Variants in ATP8B4 observed in about 807,000 individuals in gnomAD.
ATP8B4 encodes the protein probable phospholipid-transporting ATPase IM.
Under a neutral mutation model 145.6 loss-of-function variants are expected in ATP8B4, and 133 were observed. That is an observed-to-expected ratio of 0.91 (90% CI 0.79 to 1.05). The LOEUF (loss-of-function observed/expected upper bound fraction) is 1.05. Ranked by LOEUF, ATP8B4 falls within the 50% of genes least tolerant of loss-of-function variation. The pLI, the probability that ATP8B4 is intolerant of heterozygous loss-of-function variation, is 0.00. For missense variants in ATP8B4, 1,458 were observed against 1,425.2 expected (o/e 1.02, Z -0.37); for synonymous variants, 507 against 492.9 (o/e 1.03, Z -0.38).
chr15:50,074,154 A>C lies in ATP8B4; in HGVS notation c.60T>G (p.Arg20=), dbSNP rs751895276. The change falls in exon 3 of 28, where the codon CGT becomes CGG. Residue 20 remains arginine, a synonymous_variant. Coordinates refer to ENST00000284509, the MANE Select transcript of ATP8B4 (RefSeq NM_024837.4). ...CATACTGGAACTTTTCATTATATTC[A>C]CGGTCATTGGCTTTCACTATCCGTT... ...EVERIVKAND[R]EYNEKFQYAD... 1.9e-6 allele frequency: 3 copies of C among 1,613,052 alleles called. No homozygotes were observed. The African/African-American group carries it at 4.0e-5, about 22-fold the overall frequency.
chr15:50,029,230 C>T (rs2050237162), intron 6 of ATP8B4, among the ~76,000 whole-genome samples: 1 of 66,356 alleles, frequency 1.5e-5, no homozygotes, highest in Non-Finnish European at 2.7e-5. Context: ...CAGAGCAAGA[C>T]TCCATCTTAA....
At chr15:50,120,211 T>C (rs1201563292), upstream of ATP8B4, among the ~76,000 whole-genome samples, 4 of 152,070 alleles carry the variant, frequency 2.6e-5, no homozygotes, top group African/African-American at 7.2e-5. Context: ...TGGAACATCC[T>C]CACGCTGGGC....
intron 16 of ATP8B4, among the ~76,000 whole-genome samples, chr15:49,928,351 G>A (rs2040920233): frequency 6.6e-6 from 1 of 152,040 alleles, no homozygotes; most frequent in Non-Finnish European, 1.5e-5. Context: ...GAAGAGAAGT[G>A]GGGGAAAGGA....
chr15:50,038,525 A>G (rs1056739583), intron 6 of ATP8B4, among the ~76,000 whole-genome samples: 19 of 152,222 alleles, frequency 1.2e-4, no homozygotes, highest in Non-Finnish European at 4.4e-5. Context: ...AGTGACAAAG[A>G]TGTGTCTGTG....
At chr15:50,107,673 G>A (rs2056750553) in intron 1 of ATP8B4, among the ~76,000 whole-genome samples, 1 of 152,076 alleles carries the variant, frequency 6.6e-6, no homozygotes, top group Non-Finnish European at 1.5e-5. Context: ...ATGCACCTTT[G>A]CAAACACATG....
rs371935085 is a variant in ATP8B4, at chr15:50,044,712, T to C, written c.202-20A>G. ...AATTAGCTGAAACAAACATTCCAAA[T>C]AGTTTAGGGCTTTTAAAGTTAGAAA... On this transcript the variant is annotated intron_variant, in intron 4 of 27. Coordinates refer to ENST00000284509, the MANE Select transcript of ATP8B4 (RefSeq NM_024837.4). 2.6e-5 allele frequency: 40 copies of C among 1,552,552 alleles called. No homozygotes were observed. In the East Asian group the frequency reaches 4.5e-4, roughly 17 times the overall value.
At chr15:50,160,426 G>T (rs1380927247) in intron 1 of ATP8B4, among the ~76,000 whole-genome samples, 1 of 148,222 alleles carries the variant, frequency 6.7e-6, no homozygotes, top group Non-Finnish European at 1.5e-5. Context: ...ACAAATTTTG[G>T]GTTTAGTTTG....
intron 16 of ATP8B4, among the ~76,000 whole-genome samples, chr15:49,929,349 A>G (rs190699414): frequency 6.6e-6 from 1 of 152,252 alleles, no homozygotes; most frequent in Non-Finnish European, 1.5e-5. Flanking sequence ...ACGATTCAAT[A>G]AAAGAATTCA....
intron 6 of ATP8B4, among the ~76,000 whole-genome samples, chr15:50,026,293 T>C (rs2050001152): frequency 6.6e-6 from 1 of 152,214 alleles, no homozygotes; most frequent in South Asian, 2.1e-4. Flanking sequence ...GAGAGGAACC[T>C]TGAAATATCT....
At chr15:49,980,266 T>C (rs1259925865) in intron 11 of ATP8B4, among the ~76,000 whole-genome samples, 1 of 152,186 alleles carries the variant, frequency 6.6e-6, no homozygotes, top group African/African-American at 2.4e-5. Context: ...CTTCTTTCCT[T>C]ATTCAGAGTC....
chr15:50,008,406 C>T (rs945916673), intron 7 of ATP8B4, among the ~76,000 whole-genome samples: 5 of 152,150 alleles, frequency 3.3e-5, no homozygotes. Flanking sequence ...GGAAAATAAG[C>T]ATTCTCACCC....
In ATP8B4 at chr15:49,862,342, A is replaced by T. The variant is rs774111011; in HGVS notation, c.3200T>A (p.Ile1067Asn). 1 of 1,613,810 alleles carries T rather than the reference A, an allele frequency of 6.2e-7. No individual in the cohort carries two copies. Among genetic ancestry groups the T allele is most frequent in the South Asian group, 1.1e-5 (1 of 91,070 alleles). ...TGTTGTTAAGAGAATTACAAGCCAG[A>T]TGCACTTCTGGGTCAGGGAATGTCG... ...NARHSLTQKC[I>N]WLVILLTTVA... is the part of the protein sequence containing the mutation. The change falls in exon 27 of 28, where the codon ATC becomes AAC. Residue 1067 changes from isoleucine (I) to asparagine (N), a missense_variant. Coordinates refer to ENST00000284509, the MANE Select transcript of ATP8B4 (RefSeq NM_024837.4).
chr15:50,110,908 CT>C (rs11415745), intron 1 of ATP8B4, among the ~76,000 whole-genome samples: 37 of 149,156 alleles, frequency 2.5e-4, no homozygotes, highest in South Asian at 4.2e-4. Context: ...TCCATAAATA[CT>C]TTTTTTTTTT....
intron 13 of ATP8B4, among the ~76,000 whole-genome samples, chr15:49,967,776 C>A (rs985783036): frequency 6.6e-6 from 1 of 152,120 alleles, no homozygotes; most frequent in Non-Finnish European, 1.5e-5. Context: ...ACAGAGAACA[C>A]CACAAAGATA....
chr15:49,923,304 T>C lies in ATP8B4; in HGVS notation c.1758+75A>G, dbSNP rs528246760. 3.7e-5 allele frequency: 37 copies of C among 995,882 alleles called. No homozygotes were observed. The South Asian group carries it at 4.8e-4, about 13-fold the overall frequency. The allele number at this position is 995,882 out of a possible 1,614,324, so 61.7% of individuals were successfully genotyped here. On this transcript the variant is annotated intron_variant, in intron 17 of 27. Coordinates refer to ENST00000284509, the MANE Select transcript of ATP8B4 (RefSeq NM_024837.4). The stretch of plus-strand genomic sequence containing the variant: ...CAGTAGTCAAATCATCTAGCTGCTA[T>C]TTTTTTTAAACAAGACCTAACCATA...
chr15:50,006,403 T>A (rs1236365246), intron 7 of ATP8B4, among the ~76,000 whole-genome samples: 2 of 150,684 alleles, frequency 1.3e-5, no homozygotes, highest in African/African-American at 2.5e-5. Flanking sequence ...TAGAGATGGT[T>A]TACTTACAGC....
chr15:50,094,518 G>A (rs1449671600), intron 2 of ATP8B4, among the ~76,000 whole-genome samples: 1 of 149,798 alleles, frequency 6.7e-6, no homozygotes, highest in African/African-American at 2.4e-5. Context: ...ATCCATATAC[G>A]TATATATTTG....
At chr15:50,146,349 G>A (rs2044277258) in intron 1 of ATP8B4, among the ~76,000 whole-genome samples, 1 of 152,106 alleles carries the variant, frequency 6.6e-6, no homozygotes, top group South Asian at 2.1e-4. Context: ...CAGGCTGGGA[G>A]GACTGTTAAG....
intron 20 of ATP8B4, among the ~76,000 whole-genome samples, chr15:49,905,376 A>G (rs1457898669): frequency 6.6e-6 from 1 of 152,232 alleles, no homozygotes; most frequent in African/African-American, 2.4e-5. Flanking sequence ...CAAGAAAAAG[A>G]GATGGTGCAA....
Sources: gnomAD v4.1 joint callset for allele counts (sites outside exome capture counted in the v4.1 genomes callset) on GRCh38, gnomAD v4.1.1 for gene constraint, MANE v1.5 for transcripts, NCBI Gene and HGNC (gene_info 2026-07-23, HGNC 2026-07-21) for gene names.